Variants in CACNG2 observed in about 807,000 individuals in gnomAD.
CACNG2 encodes voltage-dependent calcium channel gamma-2 subunit.
CACNG2 carries 3 observed loss-of-function variants against 25.9 expected under a neutral mutation model. That is an observed-to-expected ratio of 0.12 (90% CI 0.05 to 0.30). CACNG2 has a LOEUF of 0.30. Ranked by LOEUF, CACNG2 falls within the 10% of genes least tolerant of loss-of-function variation. The pLI is 1.00. For synonymous variants in CACNG2, 167 were observed against 173.3 expected (o/e 0.96, Z 0.29); for missense variants, 341 against 432.5 (o/e 0.79, Z 1.88).
intron 1 of CACNG2, among the ~76,000 whole-genome samples, chr22:36,685,340 C>G (rs1327143664): frequency 6.6e-6 from 1 of 152,154 alleles, no homozygotes; most frequent in Non-Finnish European, 1.5e-5. Flanking sequence ...GGGGCCTCTG[C>G]CCGCCTTCTC....
At chr22:36,568,294 C>T (rs1480416791) in intron 2 of CACNG2, among the ~76,000 whole-genome samples, 1 of 152,150 alleles carries the variant, frequency 6.6e-6, no homozygotes, top group Admixed American at 6.5e-5. Flanking sequence ...CCTCTTATCC[C>T]CATCCCCGTC....
rs114028279 is a variant in CACNG2, at chr22:36,659,244, G to A, written c.211+43122C>T. Among the ~76,000 whole-genome samples, 326 of 152,214 alleles carry A rather than the reference G, an allele frequency of 2.1e-3. 3 individuals carry two copies. The highest frequency in any genetic ancestry group is 7.4e-3 in the African/African-American group (309 of 41,512). On this transcript the variant is annotated intron_variant, in intron 1 of 3. Coordinates refer to ENST00000300105, the MANE Select transcript of CACNG2 (RefSeq NM_006078.5). ...TGGGTGAGGGCCTGGGCAGCAACTT[G>A]TCTTCCCACAGCACAAGCTCCGACC... is the stretch of plus-strand genomic sequence containing the variant.
At chr22:36,656,744 C>T (rs181222809) in intron 1 of CACNG2, among the ~76,000 whole-genome samples, 2 of 152,302 alleles carry the variant, frequency 1.3e-5, no homozygotes, top group Admixed American at 1.3e-4. Flanking sequence ...GTTACTTTCG[C>T]CTTGAGACTT....
chr22:36,669,903 G>A (rs1936925533), intron 1 of CACNG2, among the ~76,000 whole-genome samples: 1 of 152,048 alleles, frequency 6.6e-6, no homozygotes, highest in Non-Finnish European at 1.5e-5. Flanking sequence ...AGTAGAGATG[G>A]GGTTTTGCCA....
At position 36,564,527 on chromosome 22, in the gene CACNG2, T is replaced by A; in HGVS notation, c.796A>T (p.Thr266Ser). 1.2e-6 allele frequency: 2 copies of A among 1,614,090 alleles called. No homozygotes were observed. Among genetic ancestry groups the A allele is most frequent in the Non-Finnish European group, 1.7e-6 (2 of 1,179,984 alleles). Residue 266 changes from threonine to serine, a missense_variant, in exon 4 of 4, where the codon ACG (threonine) becomes TCG (serine). Thr to Ser is a moderately conservative substitution (Grantham distance 58, BLOSUM62 1). Around this residue, in one of 2 missense-constraint regions of CACNG2, gnomAD observed 172 missense variants for 178.1 expected, o/e 0.97. Transcript: ENST00000300105. This position sits in a 1 kb window ranked among gnomAD's most constrained non-coding sequence, Gnocchi z 6.7. The stretch of plus-strand genomic sequence containing the variant: ...CTGAGCGTGTACATGGAGATCTCCG[T>A]GGACGGCAGGGTGTTGAAGCCCTTG... ...GIKGFNTLPS[T>S]EISMYTLSRD... is the part of the protein sequence containing the mutation.
chr22:36,591,779 C>T (rs1186317276), intron 1 of CACNG2, among the ~76,000 whole-genome samples: 3 of 152,046 alleles, frequency 2.0e-5, no homozygotes, highest in Non-Finnish European at 4.4e-5. Flanking sequence ...AGGCCCAGGA[C>T]ACAGCACAAG....
Position 36,566,513 on chromosome 22 carries a change from A to C in CACNG2, c.296-20T>G. 1 of 1,613,772 alleles carries C rather than the reference A, an allele frequency of 6.2e-7. No individual in the cohort carries two copies. The highest frequency in any genetic ancestry group is 8.5e-7 in the Non-Finnish European group (1 of 1,179,924). On this transcript the variant is annotated intron_variant, in intron 2 of 3. Coordinates refer to ENST00000300105, the MANE Select transcript of CACNG2 (RefSeq NM_006078.5). Reference sequence around the variant, plus strand: ...CGGCCCCTGTGGAACACAGAGGGTCAGGGAGAAAGAGAACGGCATGGCTGT... The same window carrying C: ...CGGCCCCTGTGGAACACAGAGGGTCCGGGAGAAAGAGAACGGCATGGCTGT...
At chr22:36,643,156 T>C (rs945253775) in intron 1 of CACNG2, among the ~76,000 whole-genome samples, 1 of 150,960 alleles carries the variant, frequency 6.6e-6, no homozygotes, top group African/African-American at 2.4e-5. Context: ...CTTTCCTTTT[T>C]CCTTCCTTCC....
chr22:36,591,814 A>G (rs55659228), intron 1 of CACNG2, among the ~76,000 whole-genome samples: 31,361 of 152,010 alleles, frequency 0.21, 3,594 homozygotes, highest in East Asian at 0.31. Flanking sequence ...GCCAGGAGGG[A>G]CAGCAGAGCT....
intron 1 of CACNG2, among the ~76,000 whole-genome samples, chr22:36,645,239 A>G (rs1936500973): frequency 6.6e-6 from 1 of 152,102 alleles, no homozygotes; most frequent in Admixed American, 6.6e-5. Context: ...TTGCAAAGCA[A>G]CCGAGAAATT....
chr22:36,579,356 A>G (rs1343474076), intron 2 of CACNG2, among the ~76,000 whole-genome samples: 1 of 141,634 alleles, frequency 7.1e-6, no homozygotes, highest in East Asian at 2.1e-4. Context: ...GTGAGCTGAG[A>G]TCATACCACT....
chr22:36,603,899 C>G (rs974059421), intron 1 of CACNG2, among the ~76,000 whole-genome samples: 3 of 151,978 alleles, frequency 2.0e-5, no homozygotes, highest in African/African-American at 7.3e-5. Context: ...ATTTTGCAGC[C>G]CATGGATCAA....
At position 36,575,917 on chromosome 22, in the gene CACNG2, A is replaced by C. The variant is rs115714983; in HGVS notation, c.296-9424T>G. On this transcript the variant is annotated intron_variant, in intron 2 of 3. Transcript: ENST00000300105. ...ATTAGGATCATTAGGATCAATCCGC[A>C]TTAGGGGATACAGTCTACAGTCACA... 7.8e-3 allele frequency among the ~76,000 whole-genome samples: 1,190 copies of C among 152,340 alleles called. 21 individuals carry two copies. The highest frequency in any genetic ancestry group is 0.027 in the African/African-American group (1,131 of 41,582).
chr22:36,673,006 G>C (rs1478406504), intron 1 of CACNG2, among the ~76,000 whole-genome samples: 1 of 152,226 alleles, frequency 6.6e-6, no homozygotes, highest in Admixed American at 6.5e-5. Flanking sequence ...CAAGTGGATT[G>C]CTTGAGTCCA....
chr22:36,663,003 G>A (rs1194396828), intron 1 of CACNG2, among the ~76,000 whole-genome samples: 2 of 150,708 alleles, frequency 1.3e-5, no homozygotes, highest in East Asian at 3.9e-4. Flanking sequence ...AATGAAACTT[G>A]AACACTCACG....
At chr22:36,696,656 A>G (rs1423207357) in intron 1 of CACNG2, among the ~76,000 whole-genome samples, 1 of 152,224 alleles carries the variant, frequency 6.6e-6, no homozygotes, top group Admixed American at 6.5e-5. Flanking sequence ...GACACCACAT[A>G]TAATGAGTGG....
intron 1 of CACNG2, among the ~76,000 whole-genome samples, chr22:36,604,967 G>T (rs1037361816): frequency 6.6e-6 from 1 of 152,024 alleles, no homozygotes; most frequent in East Asian, 1.9e-4. Flanking sequence ...AGAGATGGGG[G>T]TCTCACTATG....
chr22:36,690,168 C>T (rs909128976), intron 1 of CACNG2, among the ~76,000 whole-genome samples: 4 of 152,328 alleles, frequency 2.6e-5, no homozygotes, highest in East Asian at 1.9e-4. Flanking sequence ...CAAACTTCGA[C>T]GCCTACAGAG....
At chr22:36,658,968 G>A (rs925369134) in intron 1 of CACNG2, among the ~76,000 whole-genome samples, 4 of 152,160 alleles carry the variant, frequency 2.6e-5, no homozygotes, top group African/African-American at 7.2e-5. Context: ...CCGAGGGAGC[G>A]CCAGACGGTG....
Sources: gnomAD v4.1 joint callset for allele counts (sites outside exome capture counted in the v4.1 genomes callset) on GRCh38, gnomAD v4.1.1 for gene constraint, gnomAD v4.1.1 regional missense constraint, Gnocchi (gnomAD v3.1) non-coding constraint, MANE v1.5 for transcripts, NCBI Gene and HGNC (gene_info 2026-07-23, HGNC 2026-07-21) for gene names.